Variants in TRIM55 observed in about 807,000 individuals in gnomAD.
TRIM55 encodes the protein tripartite motif-containing protein 55.
TRIM55 carries 50 observed loss-of-function variants against 60.9 expected under a neutral mutation model. The observed-to-expected ratio is 0.82, with a 90% CI of 0.65 to 1.04. The LOEUF is 1.04. Ranked by LOEUF, TRIM55 falls within the 50% of genes least tolerant of loss-of-function variation. The pLI is 0.00. For missense variants in TRIM55, 681 were observed against 666.9 expected (o/e 1.02, Z -0.23); for synonymous variants, 237 against 238.1 (o/e 1.00, Z 0.04).
intron 9 of TRIM55, among the ~76,000 whole-genome samples, chr8:66,163,613 C>A (rs57836505): frequency 6.6e-6 from 1 of 152,180 alleles, no homozygotes; most frequent in South Asian, 2.1e-4. Context: ...CAGTTTAATT[C>A]TGTTGTGGAG....
chr8:66,120,263 C>G, the TRIM55 span, among the ~76,000 whole-genome samples: 194 of 152,302 alleles, frequency 1.3e-3, 4 homozygotes, highest in Admixed American at 0.012. Context: ...ACACTGAGCT[C>G]TTACTATATA....
At position 66,127,158 on chromosome 8, in the gene TRIM55, G is replaced by A; in HGVS notation, c.-111G>A. 2 of 1,212,620 alleles carry A rather than the reference G, an allele frequency of 1.6e-6. No homozygotes were observed. Among genetic ancestry groups the A allele is most frequent in the Middle Eastern group, 2.4e-4 (1 of 4,136 alleles). 75.1% of individuals were successfully genotyped at this position (1,212,620 alleles called of 1,614,324 possible). On this transcript the variant is annotated 5_prime_UTR_variant, in exon 1 of 10. Transcript: ENST00000315962. ...CCTGAAACAATGTCCTCCACCGAGA[G>A]AAACGTAAAGGACACTTGATCACAC...
chr8:66,134,460 G>T (rs1372333682), intron 2 of TRIM55, among the ~76,000 whole-genome samples: 1 of 152,086 alleles, frequency 6.6e-6, no homozygotes, highest in African/African-American at 2.4e-5. Flanking sequence ...TCTTTCCTGG[G>T]GCCAGAGGCT....
chr8:66,128,322 C>G lies in TRIM55; in HGVS notation c.187C>G (p.Pro63Ala). Residue 63 changes from proline (P) to alanine (A), a missense_variant, in exon 2 of 10, where the codon CCC (proline) becomes GCC (alanine). Pro to Ala is a conservative substitution (Grantham distance 27, BLOSUM62 -1). Coordinates refer to ENST00000315962, the MANE Select transcript of TRIM55 (RefSeq NM_184085.2). ...DIFQASNPYLPTRGGTTMASG... is the reference protein window; with the variant it reads ...DIFQASNPYLATRGGTTMASG... Reference sequence around the variant, plus strand: ...AGAACAGGCCTCTAACCCGTATTTGCCCACAAGAGGAGGTACCACCATGGC... The same window carrying G: ...AGAACAGGCCTCTAACCCGTATTTGGCCACAAGAGGAGGTACCACCATGGC... 6.2e-7 allele frequency: 1 copy of G among 1,607,728 alleles called. No individual in the cohort carries two copies. Among genetic ancestry groups the G allele is most frequent in the Non-Finnish European group, 8.5e-7 (1 of 1,177,320 alleles).
chr8:66,127,565 G>C, intron 1 of TRIM55, 129 bp downstream of exon 1: 1 of 1,067,664 alleles, frequency 9.4e-7, no homozygotes, highest in South Asian at 1.5e-5. Flanking sequence ...TTTGGCTCAC[G>C]CCTGTAGTCC....
intron 9 of TRIM55, among the ~76,000 whole-genome samples, chr8:66,160,773 G>T (rs1811003350): frequency 6.6e-6 from 1 of 151,734 alleles, no homozygotes; most frequent in East Asian, 1.9e-4. Context: ...TAATTAGTGA[G>T]GTTGAGCATT....
At chr8:66,167,053 C>A (rs1046237495) in intron 9 of TRIM55, among the ~76,000 whole-genome samples, 1 of 152,172 alleles carries the variant, frequency 6.6e-6, no homozygotes, top group African/African-American at 2.4e-5. Flanking sequence ...TGCTGTCAAC[C>A]AACCTGCCTC....
chr8:66,170,373 A>T (rs1811555960), intron 9 of TRIM55, among the ~76,000 whole-genome samples: 1 of 152,212 alleles, frequency 6.6e-6, no homozygotes, highest in Non-Finnish European at 1.5e-5. Flanking sequence ...ACTTAGCATA[A>T]GGTCCTCAAG....
rs751493444 is a variant in TRIM55, at chr8:66,154,142, T to C, written c.1332T>C (p.Ser444=). ...AETADPLFYP[S]WYKGQTRKAT... ...CTGCGGATCCCTTGTTTTACCCTAGTTGGTATAAAGGCCAAACCCGGAAAG... is the reference window on the plus strand; with the variant it reads ...CTGCGGATCCCTTGTTTTACCCTAGCTGGTATAAAGGCCAAACCCGGAAAG... Residue 444 remains serine, a synonymous_variant, in exon 9 of 10, where the codon AGT becomes AGC. Coordinates refer to ENST00000315962, the MANE Select transcript of TRIM55 (RefSeq NM_184085.2). 4.3e-6 allele frequency: 7 copies of C among 1,613,992 alleles called. No individual in the cohort carries two copies. The highest frequency in any genetic ancestry group is 5.9e-6 in the Non-Finnish European group (7 of 1,179,990).
Position 66,135,141 on chromosome 8 carries a change from T to C in TRIM55, c.493T>C (p.Phe165Leu), listed in dbSNP as rs748783640. 4.2e-5 allele frequency: 68 copies of C among 1,613,950 alleles called. 1 individual carries two copies. Among genetic ancestry groups the C allele is most frequent in the South Asian group, 2.0e-4 (18 of 91,064 alleles). Residue 165 changes from phenylalanine to leucine, a missense_variant, in exon 3 of 10, where the codon TTC (phenylalanine) becomes CTC (leucine). Phe to Leu is a conservative substitution (Grantham distance 22). Coordinates refer to ENST00000315962, the MANE Select transcript of TRIM55 (RefSeq NM_184085.2). ...CCAGGTGGCTCCCCTCACTCATGTGTTCCAGAGACAGAAGGTAACAGAGCT... is the reference window on the plus strand; with the variant it reads ...CCAGGTGGCTCCCCTCACTCATGTGCTCCAGAGACAGAAGGTAACAGAGCT... ...DCQVAPLTHV[F>L]QRQKSELSDG...
intron 9 of TRIM55, among the ~76,000 whole-genome samples, chr8:66,162,475 GTT>G (rs199962056): frequency 6.9e-6 from 1 of 144,802 alleles, no homozygotes; most frequent in Non-Finnish European, 1.5e-5. Context: ...TTGGTCTGTA[GTT>G]TTTTTTTTTT....
Position 66,150,258 on chromosome 8 carries a change from A to T in TRIM55, c.860+19A>T, listed in dbSNP as rs1563378935. 12 of 1,612,810 alleles carry T rather than the reference A, an allele frequency of 7.4e-6. No homozygotes were observed. The highest frequency in any genetic ancestry group is 9.3e-6 in the Non-Finnish European group (11 of 1,179,308). On this transcript the variant is annotated intron_variant, in intron 6 of 9. Transcript: ENST00000315962. ...TAAAAAAGTAAGAACTTTTTATTTT[A>T]TGTAAAAATGCATATTTTCACCTTT...
At chr8:66,130,659 C>CTTTTTT (rs572999976) in intron 2 of TRIM55, among the ~76,000 whole-genome samples, 2 of 122,984 alleles carry the variant, frequency 1.6e-5, no homozygotes, top group Non-Finnish European at 3.4e-5. Flanking sequence ...ACCTAGCATT[C>CTTTTTT]TTTTTTTTTT....
chr8:66,164,008 GT>G (rs34363935), intron 9 of TRIM55, among the ~76,000 whole-genome samples: 14,826 of 144,440 alleles, frequency 0.1, 1,144 homozygotes, highest in East Asian at 0.36. Context: ...CAAGATAAGT[GT>G]TTTTTTTTTT....
intron 9 of TRIM55, among the ~76,000 whole-genome samples, chr8:66,161,837 A>G (rs1811070131): frequency 6.8e-6 from 1 of 147,284 alleles, no homozygotes; most frequent in African/African-American, 2.5e-5. Context: ...CTGCTGGTGT[A>G]TAGCAGAGCT....
chr8:66,158,495 G>A (rs965915802), intron 9 of TRIM55, among the ~76,000 whole-genome samples: 2 of 152,156 alleles, frequency 1.3e-5, no homozygotes, highest in Non-Finnish European at 2.9e-5. Context: ...TCTGGTCCTG[G>A]AGCTGCTTCA....
chr8:66,123,883 T>C (rs1374630520), upstream of TRIM55, among the ~76,000 whole-genome samples: 2 of 151,702 alleles, frequency 1.3e-5, no homozygotes, highest in African/African-American at 4.9e-5. Flanking sequence ...GTTTCAGAGG[T>C]TTTTGTTTTT....
At chr8:66,153,076 A>G (rs1810537643) in intron 8 of TRIM55, among the ~76,000 whole-genome samples, 1 of 152,112 alleles carries the variant, frequency 6.6e-6, no homozygotes, top group Non-Finnish European at 1.5e-5. Context: ...TAAGAAATAA[A>G]AGTGATTATA....
chr8:66,132,819 C>T (rs1342879762), intron 2 of TRIM55, among the ~76,000 whole-genome samples: 1 of 152,106 alleles, frequency 6.6e-6, no homozygotes, highest in African/African-American at 2.4e-5. Flanking sequence ...ATAAGAAAAA[C>T]CCAATGAGGA....
Sources: gnomAD v4.1 joint callset for allele counts (sites outside exome capture counted in the v4.1 genomes callset) on GRCh38, gnomAD v4.1.1 for gene constraint, MANE v1.5 for transcripts, NCBI Gene and HGNC (gene_info 2026-07-23, HGNC 2026-07-21) for gene names.